Variants in LOC400499 observed in about 807,000 individuals in gnomAD.
At chr16:11,471,618 T>C in the LOC400499 span, 1 of 398,992 alleles carries the variant, frequency 2.5e-6, no homozygotes, top group East Asian at 3.6e-5. Context: ...ATCCACAACA[T>C]GGCTGAGAAA....
chr16:11,467,477 T>G, the LOC400499 span, among the ~76,000 whole-genome samples: 2 of 151,666 alleles, frequency 1.3e-5, no homozygotes, highest in East Asian at 3.9e-4. Flanking sequence ...CCAAGCATGG[T>G]GGCACATGCC....
chr16:11,437,312 C>A, the LOC400499 span, among the ~76,000 whole-genome samples: 2 of 152,148 alleles, frequency 1.3e-5, no homozygotes, highest in African/African-American at 4.8e-5. Flanking sequence ...GTAACCCCAG[C>A]CCTTTGGAGA....
chr16:11,509,147 C>T, the LOC400499 span, among the ~76,000 whole-genome samples: 1 of 133,176 alleles, frequency 7.5e-6, no homozygotes, highest in African/African-American at 2.8e-5. Flanking sequence ...GAGACGGAGT[C>T]GCACTCTGTG....
At chr16:11,492,006 C>T in the LOC400499 span, among the ~76,000 whole-genome samples, 1 of 152,126 alleles carries the variant, frequency 6.6e-6, no homozygotes, top group Non-Finnish European at 1.5e-5. Flanking sequence ...TGTGGCGCAG[C>T]TGTGGGAGGT....
the LOC400499 span, chr16:11,440,948 A>T: frequency 2.5e-6 from 1 of 399,084 alleles, no homozygotes; most frequent in Non-Finnish European, 4.4e-6. Flanking sequence ...CCTGGTAGGA[A>T]TGGGCCAAGT....
the LOC400499 span, among the ~76,000 whole-genome samples, chr16:11,378,281 G>A: frequency 0.018 from 2,712 of 147,860 alleles, 503 homozygotes; most frequent in Admixed American, 0.17. Flanking sequence ...GGGGGAGGGG[G>A]GAGGTGGAGT....
chr16:11,459,825 G>C, the LOC400499 span: 3 of 1,245,962 alleles, frequency 2.4e-6, no homozygotes, highest in East Asian at 6.2e-5. Flanking sequence ...AGGGCCATGT[G>C]GGGGTTCCCC....
the LOC400499 span, among the ~76,000 whole-genome samples, chr16:11,423,851 C>T: frequency 2.0e-5 from 3 of 152,328 alleles, no homozygotes; most frequent in East Asian, 5.8e-4. Context: ...CATGTGGGCA[C>T]CCAACCCACT....
At chr16:11,441,196 G>A in the LOC400499 span, 2 of 397,604 alleles carry the variant, frequency 5.0e-6, no homozygotes, top group Non-Finnish European at 8.9e-6. Context: ...ATGGGTTATG[G>A]AGCAGTCTAC....
chr16:11,494,158 G>A, the LOC400499 span, among the ~76,000 whole-genome samples: 15 of 116,950 alleles, frequency 1.3e-4, no homozygotes, highest in East Asian at 3.4e-3. Flanking sequence ...TGGCCTGGGC[G>A]GGGGCAGTGG....
chr16:11,445,052 G>C, the LOC400499 span, among the ~76,000 whole-genome samples: 347 of 151,148 alleles, frequency 2.3e-3, 1 homozygote, highest in African/African-American at 8.0e-3. Context: ...TTGTGCCACT[G>C]CACTACAGCC....
chr16:11,523,707 T>C, the LOC400499 span: 1 of 355,408 alleles, frequency 2.8e-6, no homozygotes. Flanking sequence ...CCATCATCCC[T>C]GATAGCTCAA....
the LOC400499 span, chr16:11,456,857 A>C: frequency 6.5e-7 from 1 of 1,536,226 alleles, no homozygotes. Context: ...GCCAACACTC[A>C]CCTTCCCACT....
the LOC400499 span, chr16:11,391,958 G>T: frequency 1.8e-6 from 1 of 542,230 alleles, no homozygotes; most frequent in East Asian, 3.5e-5. Context: ...AGCCAGGTCA[G>T]AGGGGGACCT....
At chr16:11,450,599 C>A in the LOC400499 span, 6 of 1,535,430 alleles carry the variant, frequency 3.9e-6, no homozygotes, top group Admixed American at 5.9e-5. Flanking sequence ...GGGGGCCGAG[C>A]ACTGCTCACC....
chr16:11,504,417 G>A, the LOC400499 span, among the ~76,000 whole-genome samples: 600 of 152,018 alleles, frequency 3.9e-3, 2 homozygotes, highest in African/African-American at 0.014. Context: ...TTAGCCAGGC[G>A]TGGTGTTGCA....
chr16:11,502,617 C>CTT, the LOC400499 span, among the ~76,000 whole-genome samples: 5 of 143,172 alleles, frequency 3.5e-5, no homozygotes, highest in African/African-American at 7.7e-5. Flanking sequence ...TATACATACT[C>CTT]TTTTTTTTTT....
the LOC400499 span, among the ~76,000 whole-genome samples, chr16:11,415,169 G>A: frequency 2.6e-5 from 4 of 152,286 alleles, no homozygotes; most frequent in Non-Finnish European, 5.9e-5. Context: ...GGAGGGTCCC[G>A]TCCTTCCCAT....
chr16:11,515,147 A>T, the LOC400499 span, among the ~76,000 whole-genome samples: 2 of 151,896 alleles, frequency 1.3e-5, no homozygotes, highest in African/African-American at 2.4e-5. Context: ...CTCTACTAAA[A>T]TTTTTTTTAA....
Sources: allele counts gnomAD v4.1 joint callset (sites outside exome capture counted in the v4.1 genomes callset), GRCh38; gene constraint gnomAD v4.1.1; transcripts MANE v1.5.